The following PPP1R13B variants were observed in gnomAD, a reference collection of about 807,000 sequenced individuals.
PPP1R13B encodes protein phosphatase 1 regulatory subunit 13B.
PPP1R13B carries 44 observed loss-of-function variants against 119.8 expected under a neutral mutation model. The observed-to-expected ratio is 0.37, with a 90% CI of 0.29 to 0.47. PPP1R13B has a LOEUF of 0.47. PPP1R13B is among the 20% of genes least tolerant of loss of function. The pLI is 0.99. For synonymous variants in PPP1R13B, 542 were observed against 561.5 expected (o/e 0.97, Z 0.49); for missense variants, 1,227 against 1,413.5 (o/e 0.87, Z 2.12).
intron 1 of PPP1R13B, among the ~76,000 whole-genome samples, chr14:103,803,609 C>T (rs1406126275): frequency 6.6e-6 from 1 of 152,094 alleles, no homozygotes; most frequent in Non-Finnish European, 1.5e-5. Context: ...CACCACTGCA[C>T]TCCAGCCTGG....
intron 1 of PPP1R13B, among the ~76,000 whole-genome samples, chr14:103,811,880 C>T (rs1282740821): frequency 6.6e-6 from 1 of 150,822 alleles, no homozygotes; most frequent in East Asian, 2.0e-4. Context: ...CATGGTGAAA[C>T]CCCGTCTCTA....
Position 103,836,420 on chromosome 14 carries a change from G to C in PPP1R13B, c.9+10879C>G, listed in dbSNP as rs574146469. 1.2e-4 allele frequency among the ~76,000 whole-genome samples: 19 copies of C among 152,216 alleles called. No individual in the cohort carries two copies. In the East Asian group the frequency reaches 3.3e-3, roughly 26 times the overall value. On this transcript the variant is annotated intron_variant, in intron 1 of 16. Coordinates refer to ENST00000202556, the MANE Select transcript of PPP1R13B (RefSeq NM_015316.3). The stretch of plus-strand genomic sequence containing the variant: ...AATCCTAACAGTATCATGAAATATA[G>C]TGTTATTAAACCCATTTTTACAAAT...
chr14:103,778,021 G>C (rs868763044), intron 4 of PPP1R13B, among the ~76,000 whole-genome samples: 8 of 150,830 alleles, frequency 5.3e-5, no homozygotes, highest in African/African-American at 1.7e-4. Flanking sequence ...GTGCGATCTT[G>C]GCTCACTCCA....
At chr14:103,780,741 G>A (rs1201820270) in intron 3 of PPP1R13B, among the ~76,000 whole-genome samples, 1 of 151,040 alleles carries the variant, frequency 6.6e-6, no homozygotes. Context: ...TTGAACCCGG[G>A]AGGCGAAGGT....
rs548544885 is a variant in PPP1R13B at position 103,766,078 on chromosome 14, G to A, written c.355-8327C>T. ...GGCTTGAGCGCAGTGGCGCCATCTC[G>A]GCTCACTGCAACCTCCACCTCCTGG... On this transcript the variant is annotated intron_variant, in intron 4 of 16. Coordinates refer to ENST00000202556, the MANE Select transcript of PPP1R13B (RefSeq NM_015316.3). Among the ~76,000 whole-genome samples the A allele has an allele frequency of 6.6e-5, 10 of 150,982 alleles. No individual in the cohort carries two copies. The South Asian group carries it at 1.5e-3, about 22-fold the overall frequency.
In PPP1R13B at chr14:103,742,740, C is replaced by T. The variant is rs1432804831; in HGVS notation, c.1234G>A (p.Asp412Asn). ...PVQVAGADWKDPSVEGSVKQG... is the reference protein window; with the variant it reads ...PVQVAGADWKNPSVEGSVKQG... ...TTGACAGACCCCTCCACGCTCGGATCCTTCCAGTCTGCACCGGCCACCTGC... is the reference window on the plus strand; with the variant it reads ...TTGACAGACCCCTCCACGCTCGGATTCTTCCAGTCTGCACCGGCCACCTGC... The change falls in exon 10 of 17, where the codon GAT (aspartate) becomes AAT (asparagine). Residue 412 changes from aspartate to asparagine, a missense_variant. Asp to Asn is a conservative substitution (Grantham distance 23). Transcript: ENST00000202556. This position sits in a 1 kb window ranked among gnomAD's most constrained non-coding sequence, Gnocchi z 4.9. 6.2e-7 allele frequency: 1 copy of T among 1,614,156 alleles called. No individual in the cohort carries two copies. Among genetic ancestry groups the T allele is most frequent in the South Asian group, 1.1e-5 (1 of 91,082 alleles).
chr14:103,754,288 G>A (rs2084622997), intron 5 of PPP1R13B, 44 bp from the exon 6 acceptor site: 1 of 1,569,686 alleles, frequency 6.4e-7, no homozygotes, highest in South Asian at 1.2e-5. Flanking sequence ...TTGAAGGCTG[G>A]GCGCGGTGGC....
rs1166789110 is a variant in PPP1R13B, at chr14:103,734,790, C to T, written c.*364G>A. ...TCACAGCGGCGGACAGTGTTCACTG[C>T]TGGAGGGGGTGATGGCCTCGGGGCC... On this transcript the variant is annotated 3_prime_UTR_variant, in exon 17 of 17. Transcript: ENST00000202556. 6 of 460,260 alleles carry T rather than the reference C, an allele frequency of 1.3e-5. No individual in the cohort carries two copies. The highest frequency in any genetic ancestry group is 4.7e-5 in the Admixed American group (2 of 42,122). 28.5% of individuals were successfully genotyped at this position (460,260 alleles called of 1,614,324 possible).
At chr14:103,791,830 TA>T (rs2085629720) in intron 2 of PPP1R13B, among the ~76,000 whole-genome samples, 2 of 152,198 alleles carry the variant, frequency 1.3e-5, no homozygotes, top group Non-Finnish European at 2.9e-5. Context: ...AAAAGATTTT[TA>T]AAAGCAAGTG....
At chr14:103,744,317 C>T (rs190750677) in intron 9 of PPP1R13B, among the ~76,000 whole-genome samples, 3 of 152,284 alleles carry the variant, frequency 2.0e-5, no homozygotes, top group East Asian at 3.9e-4. Flanking sequence ...ATAATAAACT[C>T]AGAAATATCT....
chr14:103,841,232 C>A (rs550026506), intron 1 of PPP1R13B, among the ~76,000 whole-genome samples: 76 of 151,758 alleles, frequency 5.0e-4, no homozygotes, highest in African/African-American at 1.8e-3. Context: ...TTGCAGTGGG[C>A]TGAGAGGGTG....
At position 103,742,097 on chromosome 14, in the gene PPP1R13B, G is replaced by C. The variant is rs1394495039; in HGVS notation, c.1515C>G (p.Ala505=). 8.7e-6 allele frequency: 14 copies of C among 1,613,600 alleles called. No homozygotes were observed. Among genetic ancestry groups the C allele is most frequent in the Non-Finnish European group, 1.2e-5 (14 of 1,179,980 alleles). The part of the protein sequence containing the change: ...PSRQRPTLLP[A]TGSTPQPGSS... Reference sequence around the variant, plus strand: ...AGCCTGGCTGGGGGGTGCTGCCTGTGGCGGGCAGCAGGGTGGGCCTCTGTC... The same window carrying C: ...AGCCTGGCTGGGGGGTGCTGCCTGTCGCGGGCAGCAGGGTGGGCCTCTGTC... The change falls in exon 11 of 17, where the codon GCC becomes GCG. Residue 505 remains alanine (A), a synonymous_variant. Coordinates refer to ENST00000202556, the MANE Select transcript of PPP1R13B (RefSeq NM_015316.3). The surrounding 1 kb of genome is among the most constrained non-coding windows in gnomAD (Gnocchi z 4.9).
intron 1 of PPP1R13B, among the ~76,000 whole-genome samples, chr14:103,844,775 C>T (rs2152091298): frequency 6.6e-6 from 1 of 152,126 alleles, no homozygotes; most frequent in Admixed American, 6.6e-5. Context: ...TACTAATTGC[C>T]AATTTTCAAA....
In PPP1R13B at chr14:103,762,776, T is replaced by C; in HGVS notation, c.355-5025A>G. 3 of 713,928 alleles carry C rather than the reference T, an allele frequency of 4.2e-6. No individual in the cohort carries two copies. The East Asian group carries it at 8.3e-5, about 20-fold the overall frequency. The allele number at this position is 713,928 out of a possible 1,614,324, so 44.2% of individuals were successfully genotyped here. A position where few individuals can be genotyped will look rare whatever the true frequency, so the allele number is the denominator to read the frequency against. ...GAGGCGCTGCTGCTGTGGGGGCAGG[T>C]GGTGGCGGCGGCCGCCCGCTCCAGC... is the stretch of plus-strand genomic sequence containing the variant. On this transcript the variant is annotated intron_variant, in intron 4 of 16. Coordinates refer to ENST00000202556, the MANE Select transcript of PPP1R13B (RefSeq NM_015316.3).
intron 1 of PPP1R13B, among the ~76,000 whole-genome samples, chr14:103,842,377 A>T (rs2086930221): frequency 7.0e-6 from 1 of 143,728 alleles, no homozygotes; most frequent in African/African-American, 2.6e-5. Context: ...GTCTCGGCTC[A>T]CTGCAACCTC....
chr14:103,819,511 AC>A lies in PPP1R13B; in HGVS notation c.10-21994del, dbSNP rs374686260. On this transcript the variant is annotated intron_variant, in intron 1 of 16. Coordinates refer to ENST00000202556, the MANE Select transcript of PPP1R13B (RefSeq NM_015316.3). ...GAAATCTGTCTATTAAAAAAAACAA[AC>A]AAACAAAAAAAAACAACAACAAAAA... 1.1e-3 allele frequency among the ~76,000 whole-genome samples: 169 copies of A among 148,734 alleles called. 5 individuals carry two copies. The highest frequency in any genetic ancestry group is 3.8e-3 in the African/African-American group (152 of 39,976).
chr14:103,821,730 A>T (rs1334297658), intron 1 of PPP1R13B, among the ~76,000 whole-genome samples: 1 of 152,108 alleles, frequency 6.6e-6, no homozygotes, highest in Non-Finnish European at 1.5e-5. Context: ...CAGCCTGGGC[A>T]ACAAGAGCAA....
At chr14:103,743,812 C>T (rs1343815472) in intron 9 of PPP1R13B, 2 of 152,270 alleles carry the variant, frequency 1.3e-5, no homozygotes, top group African/African-American at 2.4e-5. Context: ...GGAAGCTTCC[C>T]GGCTGCGCTC....
intron 2 of PPP1R13B, among the ~76,000 whole-genome samples, chr14:103,787,037 T>C (rs1055518657): frequency 4.0e-5 from 6 of 151,302 alleles, no homozygotes; most frequent in Admixed American, 1.3e-4. Context: ...GAATTTTTTG[T>C]AGAGACAGGG....
Sources: gnomAD v4.1 joint callset for allele counts (sites outside exome capture counted in the v4.1 genomes callset) on GRCh38, gnomAD v4.1.1 for gene constraint, Gnocchi (gnomAD v3.1) non-coding constraint, MANE v1.5 for transcripts, NCBI Gene and HGNC (gene_info 2026-07-23, HGNC 2026-07-21) for gene names.